Variants in NRCAM observed in about 807,000 individuals in gnomAD.
NRCAM encodes NgCAM-related cell adhesion molecule.
NRCAM carries 83 observed loss-of-function variants against 156.5 expected under a neutral mutation model. The ratio of observed to expected loss-of-function variants is 0.53; its 90% confidence interval spans 0.44 to 0.64. The LOEUF is 0.64. Ranked by LOEUF, NRCAM falls within the 30% of genes least tolerant of loss-of-function variation. The probability of loss-of-function intolerance (pLI) is 0.00; values close to 1 mark genes in which losing one functional copy is unlikely to be tolerated. For missense variants in NRCAM, 1,417 were observed against 1,597.3 expected, an observed-to-expected ratio of 0.89 and a Z score of 1.92; for synonymous variants, 538 against 563.9, an observed-to-expected ratio of 0.95 and a Z score of 0.65.
chr7:108,327,822 G>A (rs182530662), intron 2 of NRCAM, among the ~76,000 whole-genome samples: 1 of 152,298 alleles, frequency 6.6e-6, no homozygotes, highest in East Asian at 1.9e-4. Flanking sequence ...GGGAATGACA[G>A]TAGATTCTGC....
chr7:108,299,110 A>AGAAAGAAAGAAAG (rs1279906799), intron 3 of NRCAM, among the ~76,000 whole-genome samples: 1 of 16,670 alleles, frequency 6.0e-5, no homozygotes, highest in African/African-American at 1.2e-4. Flanking sequence ...CATCTCAAAA[A>AGAAAGAAAGAAAG]AAAAAAAGAA....
At chr7:108,168,490 G>C in intron 28 of NRCAM, 88 bp from the exon 29 acceptor site, 1 of 1,156,436 alleles carries the variant, frequency 8.6e-7, no homozygotes, top group Non-Finnish European at 1.1e-6. Flanking sequence ...CTCTGAAATT[G>C]TGCAAATAGA....
intron 11 of NRCAM, among the ~76,000 whole-genome samples, chr7:108,219,652 C>A (rs189798873): frequency 6.6e-6 from 1 of 152,104 alleles, no homozygotes; most frequent in African/African-American, 2.4e-5. Context: ...ATCCAGCATC[C>A]CTTTATTATT....
chr7:108,441,091 A>T (rs1322206242), intron 1 of NRCAM, among the ~76,000 whole-genome samples: 1 of 152,206 alleles, frequency 6.6e-6, no homozygotes, highest in East Asian at 1.9e-4. Context: ...GAAATAAAAC[A>T]CAAAAGGAGT....
At chr7:108,208,790 T>C (rs2082478388) in intron 12 of NRCAM, among the ~76,000 whole-genome samples, 1 of 152,208 alleles carries the variant, frequency 6.6e-6, no homozygotes. Context: ...CCAAAGGTAA[T>C]GAACCCTTCT....
At chr7:108,177,531 G>C (rs2061118031) in intron 26 of NRCAM, among the ~76,000 whole-genome samples, 1 of 151,966 alleles carries the variant, frequency 6.6e-6, no homozygotes, top group Admixed American at 6.6e-5. Context: ...GCTGACGGAG[G>C]AGAATGGTGT....
intron 2 of NRCAM, among the ~76,000 whole-genome samples, chr7:108,334,327 C>G (rs942149404): frequency 6.6e-6 from 1 of 152,186 alleles, no homozygotes; most frequent in African/African-American, 2.4e-5. Flanking sequence ...TTCCCAAACA[C>G]CAATTAGCAT....
rs1348817431 is a variant in NRCAM at position 108,147,847 on chromosome 7, C to G, written c.*2063G>C. 6.6e-6 allele frequency: 1 copy of G among 152,602 alleles called. No homozygotes were observed. Among genetic ancestry groups the G allele is most frequent in the Non-Finnish European group, 1.5e-5 (1 of 68,030 alleles). The allele number at this position is 152,602 out of a possible 1,614,324, so 9.5% of individuals were successfully genotyped here. On this transcript the variant is annotated 3_prime_UTR_variant, in exon 33 of 33. Coordinates refer to ENST00000379028, the MANE Select transcript of NRCAM (RefSeq NM_001037132.4). ...ATTACAGAAGTGACCCTTTCATGCA[C>G]AGATAAATTTCGCATCTACCAGTAT...
At chr7:108,225,459 T>C (rs1029454581) in intron 10 of NRCAM, among the ~76,000 whole-genome samples, 186 bp downstream of exon 10, 1 of 152,164 alleles carries the variant, frequency 6.6e-6, no homozygotes, top group Non-Finnish European at 1.5e-5. Context: ...TCATGGAAAA[T>C]GCTCTAGTGG....
chr7:108,417,412 C>A (rs923644691), intron 1 of NRCAM, among the ~76,000 whole-genome samples: 2 of 152,098 alleles, frequency 1.3e-5, no homozygotes, highest in Non-Finnish European at 2.9e-5. Context: ...GGGAAGGGGG[C>A]CAAACTCATC....
At chr7:108,427,502 CAATTT>C (rs1238910623) in intron 1 of NRCAM, among the ~76,000 whole-genome samples, 1 of 152,168 alleles carries the variant, frequency 6.6e-6, no homozygotes, top group African/African-American at 2.4e-5. Context: ...TTCTTCAGTA[CAATTT>C]ATTCTCTCCA....
intron 3 of NRCAM, among the ~76,000 whole-genome samples, chr7:108,307,713 A>G (rs1331601350): frequency 1.3e-5 from 2 of 151,708 alleles, no homozygotes; most frequent in Non-Finnish European, 2.9e-5. Flanking sequence ...CTATTTGTGT[A>G]TGCAGTCAGT....
At chr7:108,315,796 A>G (rs1381402431) in intron 2 of NRCAM, among the ~76,000 whole-genome samples, 1 of 152,228 alleles carries the variant, frequency 6.6e-6, no homozygotes, top group Non-Finnish European at 1.5e-5. Flanking sequence ...ATCATGCTTT[A>G]CCTTTCAGAG....
At chr7:108,420,199 C>T (rs1807536881) in intron 1 of NRCAM, among the ~76,000 whole-genome samples, 1 of 151,984 alleles carries the variant, frequency 6.6e-6, no homozygotes, top group South Asian at 2.1e-4. Context: ...TTTGTCTGGC[C>T]TCTATGAATA....
chr7:108,330,838 G>A (rs1006095162), intron 2 of NRCAM, among the ~76,000 whole-genome samples: 1 of 152,076 alleles, frequency 6.6e-6, no homozygotes. Context: ...TCTGAAAGAG[G>A]CAGTTCCATT....
intron 3 of NRCAM, among the ~76,000 whole-genome samples, chr7:108,261,640 C>T (rs1413191921): frequency 6.6e-6 from 1 of 152,174 alleles, no homozygotes; most frequent in African/African-American, 2.4e-5. Context: ...GTGTGCACCA[C>T]TTCAAAGTCC....
chr7:108,234,716 A>G, intron 5 of NRCAM, 28 bp from the exon 6 acceptor site: 1 of 1,478,902 alleles, frequency 6.8e-7, no homozygotes, highest in Non-Finnish European at 9.4e-7. Context: ...AAAAATGTAA[A>G]AAAACAAATT....
chr7:108,173,239 G>A (rs1006912418), intron 28 of NRCAM, among the ~76,000 whole-genome samples: 5 of 152,096 alleles, frequency 3.3e-5, no homozygotes, highest in African/African-American at 1.2e-4. Context: ...GCCCGCCTCA[G>A]CCTCCCAAAC....
intron 13 of NRCAM, among the ~76,000 whole-genome samples, chr7:108,204,925 A>C (rs1406363016): frequency 1.3e-5 from 2 of 152,088 alleles, no homozygotes; most frequent in Non-Finnish European, 2.9e-5. Context: ...CAGGCCTTTT[A>C]TGGTTGATTC....
Sources: allele counts gnomAD v4.1 joint callset (sites outside exome capture counted in the v4.1 genomes callset), GRCh38; gene constraint gnomAD v4.1.1; transcripts MANE v1.5; gene names NCBI Gene and HGNC (gene_info 2026-07-23, HGNC 2026-07-21).